Variants in SGPP2 observed in about 807,000 individuals in gnomAD.
SGPP2 encodes sphingosine 1-phosphate phosphohydrolase 2.
Under a neutral mutation model 33.9 loss-of-function variants are expected in SGPP2, and 30 were observed. The ratio of observed to expected loss-of-function variants is 0.89; its 90% CI spans 0.66 to 1.20. The LOEUF (loss-of-function observed/expected upper bound fraction) is 1.20, where lower values mean the gene tolerates loss of function less well. Among genes scored for constraint, SGPP2 ranks in the 50% most tolerant of loss-of-function variants. The pLI, the probability that SGPP2 is intolerant of heterozygous loss-of-function variation, is 0.00. For missense variants in SGPP2, 458 were observed against 532.1 expected (o/e 0.86, Z 1.37); for synonymous variants, 233 against 225.0 (o/e 1.04, Z -0.32).
intron 4 of SGPP2, among the ~76,000 whole-genome samples, chr2:222,549,785 T>G (rs1474339031): frequency 1.3e-5 from 2 of 152,194 alleles, no homozygotes; most frequent in African/African-American, 4.8e-5. Context: ...AAACCTTGGA[T>G]GGCAAACTGA....
chr2:222,489,587 A>G (rs1050037599), intron 2 of SGPP2, among the ~76,000 whole-genome samples: 1 of 150,836 alleles, frequency 6.6e-6, no homozygotes, highest in Non-Finnish European at 1.5e-5. Flanking sequence ...AAAAAAAATC[A>G]AGTCTTCTAA....
chr2:222,538,867 G>T (rs1055490121), intron 4 of SGPP2, among the ~76,000 whole-genome samples: 1 of 152,176 alleles, frequency 6.6e-6, no homozygotes. Flanking sequence ...TGAAGGATCC[G>T]CCCCCATGAT....
At chr2:222,500,444 T>C (rs776237971) in intron 2 of SGPP2, among the ~76,000 whole-genome samples, 1 of 152,200 alleles carries the variant, frequency 6.6e-6, no homozygotes. Context: ...AAGAAGATAG[T>C]GCACTCATTC....
At chr2:222,462,474 G>A (rs186976345) in intron 1 of SGPP2, among the ~76,000 whole-genome samples, 31 of 152,314 alleles carry the variant, frequency 2.0e-4, no homozygotes, top group Admixed American at 7.2e-4. Context: ...TCTGCTGTGA[G>A]AATGGGTGGA....
At chr2:222,435,954 T>C (rs1485251599) in intron 1 of SGPP2, among the ~76,000 whole-genome samples, 1 of 152,222 alleles carries the variant, frequency 6.6e-6, no homozygotes, top group Non-Finnish European at 1.5e-5. Context: ...GGGTCATTTG[T>C]AGTCTTGCCT....
At chr2:222,544,544 C>A (rs1285536951) in intron 4 of SGPP2, among the ~76,000 whole-genome samples, 1 of 152,092 alleles carries the variant, frequency 6.6e-6, no homozygotes, top group Non-Finnish European at 1.5e-5. Flanking sequence ...CATTTTAAAT[C>A]ATCTCTAGAT....
In SGPP2 at chr2:222,559,459, A is replaced by T. The variant is rs4673026; in HGVS notation, c.*561A>T. ...TGACTTCCTTATCGTTTATTTGGTGATTTTTTGTTTTGTTTTGTTTGAGAC... is the reference window on the plus strand; with the variant it reads ...TGACTTCCTTATCGTTTATTTGGTGTTTTTTTGTTTTGTTTTGTTTGAGAC... On this transcript the variant is annotated 3_prime_UTR_variant, in exon 5 of 5. Coordinates refer to ENST00000321276, the MANE Select transcript of SGPP2 (RefSeq NM_152386.4). 134,532 of 154,496 alleles carry T rather than the reference A, an allele frequency of 0.87. 58,718 individuals carry two copies. Among genetic ancestry groups the T allele is most frequent in the East Asian group, 0.97 (5,046 of 5,196 alleles). 9.6% of individuals were successfully genotyped at this position (154,496 alleles called of 1,614,324 possible).
Position 222,479,895 on chromosome 2 carries a change from T to A in SGPP2, c.378+5169T>A, listed in dbSNP as rs192243374. 3.6e-3 allele frequency among the ~76,000 whole-genome samples: 549 copies of A among 152,332 alleles called. 3 individuals are homozygous for A. The highest frequency in any genetic ancestry group is 3.3e-3 in the Non-Finnish European group (225 of 68,042). ...CCCCACAGTATGGAATAAGCTTTTG[T>A]TAAATTAACTGAAACACATCAATCA... On this transcript the variant is annotated intron_variant, in intron 2 of 4. Coordinates refer to ENST00000321276, the MANE Select transcript of SGPP2 (RefSeq NM_152386.4).
intron 2 of SGPP2, among the ~76,000 whole-genome samples, chr2:222,506,361 A>G (rs1698445110): frequency 6.6e-6 from 1 of 152,214 alleles, no homozygotes; most frequent in South Asian, 2.1e-4. Flanking sequence ...AGCAGAAAAA[A>G]GCTATGCAAT....
rs911024737 is a variant in SGPP2, at chr2:222,561,604, G to A, written c.*2706G>A. ...TAGTTTTAAGTCCCAACAATAGGAAGGCCGATCAGCTATATTGATATATTT... is the reference window on the plus strand; with the variant it reads ...TAGTTTTAAGTCCCAACAATAGGAAAGCCGATCAGCTATATTGATATATTT... On this transcript the variant is annotated 3_prime_UTR_variant, in exon 5 of 5. Coordinates refer to ENST00000321276, the MANE Select transcript of SGPP2 (RefSeq NM_152386.4). Among the ~76,000 whole-genome samples the A allele has an allele frequency of 2.0e-5, 3 of 150,982 alleles. No individual in the cohort carries two copies. The highest frequency in any genetic ancestry group is 7.3e-5 in the African/African-American group (3 of 41,110).
chr2:222,433,078 G>T (rs1425950142), intron 1 of SGPP2, among the ~76,000 whole-genome samples: 1 of 58,500 alleles, frequency 1.7e-5, no homozygotes, highest in Non-Finnish European at 3.7e-5. Context: ...GAGAAGGAGG[G>T]GAGACGAGAG....
At chr2:222,469,381 C>T (rs1281864018) in intron 1 of SGPP2, among the ~76,000 whole-genome samples, 4 of 152,192 alleles carry the variant, frequency 2.6e-5, no homozygotes, top group Non-Finnish European at 5.9e-5. Flanking sequence ...GACAGGGTTT[C>T]ACCATCTTGG....
chr2:222,466,361 C>T lies in SGPP2; in HGVS notation c.220-8207C>T, dbSNP rs191496063. Among the ~76,000 whole-genome samples the T allele has an allele frequency of 4.9e-3, 735 of 149,702 alleles. 7 individuals are homozygous for T. Among genetic ancestry groups the T allele is most frequent in the African/African-American group, 0.017 (695 of 40,634 alleles). The stretch of plus-strand genomic sequence containing the variant: ...GTAACCTCCACCTCCTGGGTTCAAG[C>T]GATTCTCTTGCCTCAGCCTCCCAAG... On this transcript the variant is annotated intron_variant, in intron 1 of 4. Coordinates refer to ENST00000321276, the MANE Select transcript of SGPP2 (RefSeq NM_152386.4).
intron 2 of SGPP2, among the ~76,000 whole-genome samples, chr2:222,484,045 T>C (rs1698067965): frequency 6.6e-6 from 1 of 152,046 alleles, no homozygotes. Context: ...CTCTAGGGGG[T>C]TTATTATAAA....
intron 4 of SGPP2, among the ~76,000 whole-genome samples, chr2:222,557,784 C>G (rs1468105108): frequency 6.6e-6 from 1 of 152,186 alleles, no homozygotes; most frequent in Non-Finnish European, 1.5e-5. Flanking sequence ...AATCCTGTCT[C>G]TGAAGGTGGG....
At chr2:222,514,207 T>C (rs888118826) in intron 2 of SGPP2, among the ~76,000 whole-genome samples, 8 of 152,246 alleles carry the variant, frequency 5.3e-5, no homozygotes, top group Admixed American at 3.3e-4. Context: ...TTGAACCTGC[T>C]TTACTATTTA....
chr2:222,552,961 C>T (rs776777489), intron 4 of SGPP2, among the ~76,000 whole-genome samples: 1 of 152,178 alleles, frequency 6.6e-6, no homozygotes, highest in Admixed American at 6.5e-5. Context: ...AAGAGAAATG[C>T]ATTCCAGTGT....
intron 2 of SGPP2, among the ~76,000 whole-genome samples, chr2:222,487,073 G>A (rs923443449): frequency 6.6e-6 from 1 of 152,104 alleles, no homozygotes; most frequent in East Asian, 1.9e-4. Flanking sequence ...TTTGACATAC[G>A]ATTAGAAATG....
chr2:222,463,579 C>T (rs1697697884), intron 1 of SGPP2, among the ~76,000 whole-genome samples: 1 of 152,136 alleles, frequency 6.6e-6, no homozygotes, highest in African/African-American at 2.4e-5. Flanking sequence ...ATGAAGATAC[C>T]ATTTTGCTTC....
Sources: allele counts gnomAD v4.1 joint callset (sites outside exome capture counted in the v4.1 genomes callset), GRCh38; gene constraint gnomAD v4.1.1; transcripts MANE v1.5; gene names NCBI Gene and HGNC (gene_info 2026-07-23, HGNC 2026-07-21).